Variants in GPBP1 observed in about 807,000 individuals in gnomAD.
The protein encoded by GPBP1 is GC-rich promoter binding protein 1.
GPBP1 carries 13 observed loss-of-function variants against 56.5 expected under a neutral mutation model. The ratio of observed to expected loss-of-function variants is 0.23; its 90% CI spans 0.15 to 0.37. The LOEUF (loss-of-function observed/expected upper bound fraction) is 0.37, where lower values mean the gene tolerates loss of function less well. Ranked by LOEUF, GPBP1 falls within the 10% of genes least tolerant of loss-of-function variation. The pLI, the probability that GPBP1 is intolerant of heterozygous loss-of-function variation, is 1.00. For synonymous variants in GPBP1, 204 were observed against 188.9 expected (o/e 1.08, Z -0.66); for missense variants, 477 against 572.3 (o/e 0.83, Z 1.70).
intron 6 of GPBP1, among the ~76,000 whole-genome samples, chr5:57,245,287 T>C (rs559218193): frequency 6.6e-6 from 1 of 152,362 alleles, no homozygotes; most frequent in African/African-American, 2.4e-5. Flanking sequence ...TCCTTTAGCA[T>C]TTCAATAGGT....
rs754394989 is a variant in GPBP1 at position 57,214,112 on chromosome 5, T to C, written c.-19T>C. 16 of 1,611,220 alleles carry C rather than the reference T, an allele frequency of 9.9e-6. No homozygotes were observed. The African/African-American group carries it at 1.7e-4, about 17-fold the overall frequency. On this transcript the variant is annotated 5_prime_UTR_variant, in exon 3 of 12. Coordinates refer to ENST00000506184, the MANE Select transcript of GPBP1 (RefSeq NM_022913.4). The stretch of plus-strand genomic sequence containing the variant: ...GGTGTTGAAGCCTTGTTTCACTGAG[T>C]TGGAGAGACTGGACCTAAATGGCGC...
At chr5:57,189,605 TG>T (rs1198257277) in intron 2 of GPBP1, among the ~76,000 whole-genome samples, 2 of 152,276 alleles carry the variant, frequency 1.3e-5, no homozygotes, top group African/African-American at 2.4e-5. Flanking sequence ...ACTTTATTCC[TG>T]TACCATTGTG....
chr5:57,250,392 C>T (rs1437212956), intron 9 of GPBP1, among the ~76,000 whole-genome samples: 2 of 152,096 alleles, frequency 1.3e-5, no homozygotes, highest in African/African-American at 2.4e-5. Context: ...TATCTGCTCT[C>T]TTTTGCTTGT....
chr5:57,211,222 C>G (rs1269909902), intron 2 of GPBP1, among the ~76,000 whole-genome samples: 1 of 150,532 alleles, frequency 6.6e-6, no homozygotes. Flanking sequence ...ATAGGATCTT[C>G]TCTGTCACCT....
intron 6 of GPBP1, among the ~76,000 whole-genome samples, chr5:57,236,721 A>G (rs547296933): frequency 1.3e-5 from 2 of 152,324 alleles, no homozygotes; most frequent in South Asian, 4.1e-4. Flanking sequence ...AGTTTAAAAT[A>G]ATGGAAAATT....
chr5:57,219,891 A>G (rs966423093), intron 3 of GPBP1, among the ~76,000 whole-genome samples: 1 of 151,960 alleles, frequency 6.6e-6, no homozygotes, highest in Admixed American at 6.6e-5. Flanking sequence ...TGTCTCTACT[A>G]AAAGTACAAA....
chr5:57,234,276 A>G (rs568407607), intron 5 of GPBP1, among the ~76,000 whole-genome samples: 1 of 152,312 alleles, frequency 6.6e-6, no homozygotes, highest in Non-Finnish European at 1.5e-5. Context: ...AGAATACTGG[A>G]AATTTAGGAT....
At chr5:57,202,826 C>T (rs558190658) in intron 2 of GPBP1, among the ~76,000 whole-genome samples, 2 of 152,282 alleles carry the variant, frequency 1.3e-5, no homozygotes, top group African/African-American at 2.4e-5. Flanking sequence ...TTATTAATAG[C>T]TGTTCAATAA....
intron 2 of GPBP1, among the ~76,000 whole-genome samples, chr5:57,196,026 A>G (rs967578843): frequency 9.8e-5 from 14 of 142,902 alleles, no homozygotes; most frequent in African/African-American, 2.6e-4. Flanking sequence ...TTTGTTTGCA[A>G]GGGTTGAGAT....
rs1742027191 is a variant in GPBP1 at position 57,264,351 on chromosome 5, GTAACACATAT to G, written c.*1601_*1610del. 1 of 152,152 alleles carries G rather than the reference GTAACACATAT, an allele frequency of 6.6e-6. No individual in the cohort carries two copies. Among genetic ancestry groups the G allele is most frequent in the Non-Finnish European group, 1.5e-5 (1 of 68,004 alleles). 9.4% of individuals were successfully genotyped at this position (152,152 alleles called of 1,614,324 possible). On this transcript the variant is annotated 3_prime_UTR_variant, in exon 12 of 12. Coordinates refer to ENST00000506184, the MANE Select transcript of GPBP1 (RefSeq NM_022913.4). ...AAAGCATGCTTTGACGAAGCTATCG[GTAACACATAT>G]TGAATGTCTTTGAGACTCTTAGATT... is the stretch of plus-strand genomic sequence containing the variant.
chr5:57,207,570 C>T (rs1755284445), intron 2 of GPBP1, among the ~76,000 whole-genome samples: 1 of 152,156 alleles, frequency 6.6e-6, no homozygotes, highest in South Asian at 2.1e-4. Context: ...CATCCATAGG[C>T]GGCTTGTGTT....
At chr5:57,211,620 C>T (rs1450825055) in intron 2 of GPBP1, among the ~76,000 whole-genome samples, 1 of 148,358 alleles carries the variant, frequency 6.7e-6, no homozygotes, top group East Asian at 2.0e-4. Context: ...GAGTTTCCTC[C>T]TTGCCCAGGC....
At chr5:57,234,353 G>A (rs1161840601) in intron 5 of GPBP1, among the ~76,000 whole-genome samples, 12 of 152,162 alleles carry the variant, frequency 7.9e-5, no homozygotes, top group Admixed American at 2.0e-4. Context: ...TCTCACTTTT[G>A]TTTTTAATAA....
intron 2 of GPBP1, among the ~76,000 whole-genome samples, chr5:57,205,518 A>G (rs542101562): frequency 1.1e-4 from 17 of 149,666 alleles, no homozygotes; most frequent in Non-Finnish European, 2.1e-4. Flanking sequence ...GAACCCTTTT[A>G]CCTTCACACC....
chr5:57,204,342 C>T (rs1001855779), intron 2 of GPBP1, among the ~76,000 whole-genome samples: 1 of 152,064 alleles, frequency 6.6e-6, no homozygotes, highest in South Asian at 2.1e-4. Context: ...CTCCACCTCC[C>T]AGGCCCAAAC....
chr5:57,262,790 C>G lies in GPBP1; in HGVS notation c.*38C>G, dbSNP rs1741960442. The G allele has an allele frequency of 1.9e-6, 3 of 1,564,326 alleles. No homozygotes were observed. The highest frequency in any genetic ancestry group is 2.7e-5 in the African/African-American group (2 of 73,892). On this transcript the variant is annotated 3_prime_UTR_variant, in exon 12 of 12. Coordinates refer to ENST00000506184, the MANE Select transcript of GPBP1 (RefSeq NM_022913.4). ...CAGCTTTAGAAATCTTAGTGTGATA[C>G]ATCTCTCATACAGTTTGGGGTGAAT... is the stretch of plus-strand genomic sequence containing the variant.
At chr5:57,211,273 A>C (rs1755464249) in intron 2 of GPBP1, among the ~76,000 whole-genome samples, 2 of 151,912 alleles carry the variant, frequency 1.3e-5, no homozygotes. Flanking sequence ...TGCAGCCTCA[A>C]ACTTCTGGTC....
At chr5:57,209,692 A>G (rs761340403) in intron 2 of GPBP1, among the ~76,000 whole-genome samples, 1 of 152,050 alleles carries the variant, frequency 6.6e-6, no homozygotes, top group Admixed American at 6.6e-5. Context: ...GAGTATTTTT[A>G]TAATTAAAGG....
intron 2 of GPBP1, among the ~76,000 whole-genome samples, chr5:57,211,771 C>T (rs1348161096): frequency 6.6e-6 from 1 of 151,806 alleles, no homozygotes; most frequent in Non-Finnish European, 1.5e-5. Flanking sequence ...TTAGTAGAGA[C>T]GAGGTTTCTC....
Sources: allele counts gnomAD v4.1 joint callset (sites outside exome capture counted in the v4.1 genomes callset), GRCh38; gene constraint gnomAD v4.1.1; transcripts MANE v1.5; gene names NCBI Gene and HGNC (gene_info 2026-07-23, HGNC 2026-07-21).